Variants in CRY1 observed in about 807,000 individuals in gnomAD.
The protein encoded by CRY1 is cryptochrome-1.
In CRY1, 45 loss-of-function variants were observed where a neutral mutation model predicts 76.0. That is an observed-to-expected ratio of 0.59 (90% CI 0.47 to 0.76). CRY1 has a LOEUF of 0.76. Among genes scored for constraint, CRY1 ranks in the 30% least tolerant of loss-of-function variants. The pLI is 0.00. For missense variants in CRY1, 587 were observed against 716.4 expected (o/e 0.82, Z 2.06); for synonymous variants, 248 against 244.0 (o/e 1.02, Z -0.15).
At chr12:107,035,490 A>C (rs1261898684) in intron 1 of CRY1, among the ~76,000 whole-genome samples, 1 of 152,248 alleles carries the variant, frequency 6.6e-6, no homozygotes, top group Admixed American at 6.5e-5. Flanking sequence ...AGTGTGTATA[A>C]GACACTGCTC....
intron 3 of CRY1, among the ~76,000 whole-genome samples, chr12:107,004,483 T>C (rs898282217): frequency 6.6e-6 from 1 of 152,194 alleles, no homozygotes; most frequent in Non-Finnish European, 1.5e-5. Flanking sequence ...TTTACAGACC[T>C]CTAAGACTCA....
intron 1 of CRY1, among the ~76,000 whole-genome samples, chr12:107,050,909 G>C (rs1952911301): frequency 6.6e-6 from 1 of 152,160 alleles, no homozygotes; most frequent in Non-Finnish European, 1.5e-5. Context: ...ATGAGAAAGA[G>C]CAGGACAGAA....
chr12:107,062,025 C>CAAAAAAAAAAAAAAAAAAAAAAAAA (rs35683352), intron 1 of CRY1, among the ~76,000 whole-genome samples: 7 of 93,524 alleles, frequency 7.5e-5, no homozygotes, highest in Non-Finnish European at 1.4e-4. Context: ...GACCCTGTCT[C>CAAAAAAAAAAAAAAAAAAAAAAAAA]AAAAAAAAAA....
chr12:107,088,105 T>C (rs1255180525), intron 1 of CRY1, among the ~76,000 whole-genome samples: 1 of 152,122 alleles, frequency 6.6e-6, no homozygotes, highest in South Asian at 2.1e-4. Context: ...TGGAGTGATA[T>C]AGTTTAGATA....
chr12:107,043,091 G>C (rs1280827272), intron 1 of CRY1: 1 of 152,050 alleles, frequency 6.6e-6, no homozygotes, highest in Non-Finnish European at 1.5e-5. Flanking sequence ...GTGAGTAGCC[G>C]TGACTCTCCT....
intron 1 of CRY1, among the ~76,000 whole-genome samples, chr12:107,029,561 C>T (rs1031252501): frequency 6.8e-6 from 1 of 147,800 alleles, no homozygotes; most frequent in Non-Finnish European, 1.5e-5. Context: ...AATCATGCCA[C>T]TGCACACTGT....
chr12:107,007,023 C>T (rs540775429), intron 2 of CRY1, among the ~76,000 whole-genome samples: 1 of 152,128 alleles, frequency 6.6e-6, no homozygotes, highest in South Asian at 2.1e-4. Flanking sequence ...TCTTAAAAGT[C>T]CTGAAAAGTG....
At chr12:107,063,742 C>A (rs1953077000) in intron 1 of CRY1, among the ~76,000 whole-genome samples, 1 of 152,158 alleles carries the variant, frequency 6.6e-6, no homozygotes, top group Admixed American at 6.5e-5. Context: ...GGATTACAGG[C>A]ATGCACCACC....
At chr12:107,089,788 CAT>C (rs1171932698) in intron 1 of CRY1, among the ~76,000 whole-genome samples, 1 of 152,128 alleles carries the variant, frequency 6.6e-6, no homozygotes, top group Non-Finnish European at 1.5e-5. Context: ...GGCATTATCC[CAT>C]AGTCAATAAG....
chr12:107,045,438 T>C (rs755034111), intron 1 of CRY1, among the ~76,000 whole-genome samples: 1 of 151,908 alleles, frequency 6.6e-6, no homozygotes, highest in African/African-American at 2.4e-5. Flanking sequence ...AGTGGGTGGA[T>C]CATGAGGTCA....
At chr12:106,996,215 A>G (rs1188727683) in intron 10 of CRY1, among the ~76,000 whole-genome samples, 5 of 152,210 alleles carry the variant, frequency 3.3e-5, no homozygotes, top group Non-Finnish European at 5.9e-5. Context: ...AAGCAAGAAC[A>G]TGAGGTGTTT....
chr12:107,047,295 G>A (rs1366556750), intron 1 of CRY1, among the ~76,000 whole-genome samples: 2 of 152,010 alleles, frequency 1.3e-5, no homozygotes, highest in Non-Finnish European at 2.9e-5. Context: ...AAGAAATTAA[G>A]AAAAAGATTT....
At chr12:107,072,557 G>C (rs1953202697) in intron 1 of CRY1, among the ~76,000 whole-genome samples, 1 of 152,078 alleles carries the variant, frequency 6.6e-6, no homozygotes, top group Admixed American at 6.6e-5. Flanking sequence ...TATACTGTTG[G>C]GGGCATAAAA....
chr12:107,066,147 TG>T (rs1177315242), intron 1 of CRY1, among the ~76,000 whole-genome samples: 1 of 152,218 alleles, frequency 6.6e-6, no homozygotes, highest in African/African-American at 2.4e-5. Context: ...ATCTCTCCTT[TG>T]ATTAGTCCGA....
In CRY1 at chr12:107,039,080, G is replaced by A. The variant is rs140264186; in HGVS notation, c.159-16888C>T. On this transcript the variant is annotated intron_variant, in intron 1 of 12. Coordinates refer to ENST00000008527, the MANE Select transcript of CRY1 (RefSeq NM_004075.5). ...GCGGAAGTTGCAGTGAGCCGGGATC[G>A]TGCCATTGTACTCCAGCCTGGGCAA... 1.0e-3 allele frequency among the ~76,000 whole-genome samples: 153 copies of A among 152,180 alleles called. 2 individuals carry two copies. In the East Asian group the frequency reaches 0.022, roughly 21 times the overall value.
chr12:107,025,034 C>A (rs1278968160), intron 1 of CRY1, among the ~76,000 whole-genome samples: 1 of 152,142 alleles, frequency 6.6e-6, no homozygotes, highest in East Asian at 1.9e-4. Flanking sequence ...AAACTATTTG[C>A]ATATATTACT....
At chr12:107,032,306 C>T (rs143200488) in intron 1 of CRY1, among the ~76,000 whole-genome samples, 62 of 152,260 alleles carry the variant, frequency 4.1e-4, no homozygotes, top group African/African-American at 1.4e-3. Context: ...AAACAGGATA[C>T]AGAGCATACA....
rs866722326 is a variant in CRY1, at chr12:107,004,120, A to G, written c.410+986T>C. Among the ~76,000 whole-genome samples, 4 of 152,244 alleles carry G rather than the reference A, an allele frequency of 2.6e-5. 1 individual carries two copies. The Middle Eastern group carries it at 0.01, about 388-fold the overall frequency. On this transcript the variant is annotated intron_variant, in intron 3 of 12. Coordinates refer to ENST00000008527, the MANE Select transcript of CRY1 (RefSeq NM_004075.5). ...GCGCCTAGCCTAAACAATTTTATGC[A>G]TAACACTGAGTCTCCCACTTAGAAG...
chr12:106,995,819 C>A (rs193010322), intron 10 of CRY1, among the ~76,000 whole-genome samples: 20 of 152,116 alleles, frequency 1.3e-4, no homozygotes, highest in East Asian at 9.6e-4. Context: ...CCCTGCCCCC[C>A]CAACAGACCC....
Sources: gnomAD v4.1 joint callset for allele counts (sites outside exome capture counted in the v4.1 genomes callset) on GRCh38, gnomAD v4.1.1 for gene constraint, MANE v1.5 for transcripts, NCBI Gene and HGNC (gene_info 2026-07-23, HGNC 2026-07-21) for gene names.